The following KIRREL3 variants were observed in gnomAD, a reference collection of about 807,000 sequenced individuals.
KIRREL3 encodes the protein kirre like nephrin family adhesion molecule 3.
A neutral mutation model predicts 89.7 loss-of-function variants in KIRREL3; 36 were observed. That is an observed-to-expected ratio of 0.40 (90% CI 0.31 to 0.53). The LOEUF (loss-of-function observed/expected upper bound fraction) is 0.53, where lower values mean the gene tolerates loss of function less well. KIRREL3 is among the 20% of genes least tolerant of loss of function. The pLI is 0.49. For missense variants in KIRREL3, 864 were observed against 1,056.6 expected, an observed-to-expected ratio of 0.82 and a Z score of 2.53; for synonymous variants, 445 against 441.4, an observed-to-expected ratio of 1.01 and a Z score of -0.10.
chr11:126,509,991 C>CAAAAAA (rs58061522), intron 4 of KIRREL3, among the ~76,000 whole-genome samples: 34 of 62,042 alleles, frequency 5.5e-4, no homozygotes, highest in South Asian at 9.7e-4. Context: ...GACTCCGTCT[C>CAAAAAA]AAAAAAAAAA....
rs554222288 is a variant in KIRREL3 at position 126,430,443 on chromosome 11, TA to T, written c.1696+975del. 2.0e-5 allele frequency among the ~76,000 whole-genome samples: 3 copies of T among 151,104 alleles called. No individual in the cohort carries two copies. The highest frequency in any genetic ancestry group is 7.3e-5 in the African/African-American group (3 of 41,234). On this transcript the variant is annotated intron_variant, in intron 14 of 16. Coordinates refer to ENST00000525144, the MANE Select transcript of KIRREL3 (RefSeq NM_032531.4). This position sits in a 1 kb window ranked among gnomAD's most constrained non-coding sequence, Gnocchi z 6.6. ...CTGGCCAAAAGAGAGAGACCCTATA[TA>T]AAAAAAAACCGTATATATATGTGTA...
chr11:126,489,087 G>A lies in KIRREL3; in HGVS notation c.434-15621C>T, dbSNP rs749418900. ...TAGACTGCGCTTAGGCATCTGGAGC[G>A]CAGCAGTCAGTCTCATCCTGGGGTG... On this transcript the variant is annotated intron_variant, in intron 4 of 16. Transcript: ENST00000525144. This position sits in a 1 kb window ranked among gnomAD's most constrained non-coding sequence, Gnocchi z 5.5. Among the ~76,000 whole-genome samples, 10 of 152,200 alleles carry A rather than the reference G, an allele frequency of 6.6e-5. No individual in the cohort carries two copies. Among genetic ancestry groups the A allele is most frequent in the African/African-American group, 1.9e-4 (8 of 41,452 alleles).
chr11:126,916,980 T>C (rs534470836), intron 1 of KIRREL3, among the ~76,000 whole-genome samples: 1 of 152,344 alleles, frequency 6.6e-6, no homozygotes, highest in South Asian at 2.1e-4. Context: ...ACCCTATACA[T>C]GTAAATTCTT....
rs558572408 is a variant in KIRREL3, at chr11:126,521,937, T to G, written c.284-473A>C. The stretch of plus-strand genomic sequence containing the variant: ...TTTTTTATCTTTTGTAGAGATGGGA[T>G]CTCACTATGTCACCCTGACTGGTCT... On this transcript the variant is annotated intron_variant, in intron 3 of 16. Coordinates refer to ENST00000525144, the MANE Select transcript of KIRREL3 (RefSeq NM_032531.4). This position sits in a 1 kb window ranked among gnomAD's most constrained non-coding sequence, Gnocchi z 4.1. 6.6e-6 allele frequency among the ~76,000 whole-genome samples: 1 copy of G among 152,144 alleles called. No homozygotes were observed. The highest frequency in any genetic ancestry group is 2.1e-4 in the South Asian group (1 of 4,816).
In KIRREL3 at chr11:126,628,003, C is replaced by A. The variant is rs547289335; in HGVS notation, c.56-65091G>T. ...CAGGAATGATCCCAGCTCTACCTAT[C>A]CTGAAGTTTGTTGAGTGGTTCTAAT... On this transcript the variant is annotated intron_variant, in intron 1 of 16. Coordinates refer to ENST00000525144, the MANE Select transcript of KIRREL3 (RefSeq NM_032531.4). This position sits in a 1 kb window ranked among gnomAD's most constrained non-coding sequence, Gnocchi z 5.2. Among the ~76,000 whole-genome samples the A allele has an allele frequency of 6.6e-6, 1 of 152,248 alleles. No individual in the cohort carries two copies. The highest frequency in any genetic ancestry group is 1.5e-5 in the Non-Finnish European group (1 of 68,048).
intron 1 of KIRREL3, among the ~76,000 whole-genome samples, chr11:126,849,380 T>G (rs1411919077): frequency 1.3e-5 from 2 of 152,242 alleles, no homozygotes; most frequent in Non-Finnish European, 2.9e-5. Flanking sequence ...GGGGCTGCTC[T>G]ACCTGTGGAA....
At chr11:126,503,753 AAGAG>A (rs957776463) in intron 4 of KIRREL3, among the ~76,000 whole-genome samples, 4 of 151,404 alleles carry the variant, frequency 2.6e-5, no homozygotes, top group African/African-American at 7.3e-5. Flanking sequence ...TTGAAAGAGG[AAGAG>A]AGAGAATCTC....
At position 126,640,462 on chromosome 11, in the gene KIRREL3, A is replaced by G. The variant is rs1944426172; in HGVS notation, c.56-77550T>C. Among the ~76,000 whole-genome samples, 1 of 152,202 alleles carries G rather than the reference A, an allele frequency of 6.6e-6. No homozygotes were observed. The highest frequency in any genetic ancestry group is 2.4e-5 in the African/African-American group (1 of 41,466). On this transcript the variant is annotated intron_variant, in intron 1 of 16. Transcript: ENST00000525144. The surrounding 1 kb of genome is among the most constrained non-coding windows in gnomAD (Gnocchi z 4.9). ...AGATTAGCAACATCAAAAGCATTCCAATCTGTTCCCTGCATACATTACATG... is the reference window on the plus strand; with the variant it reads ...AGATTAGCAACATCAAAAGCATTCCGATCTGTTCCCTGCATACATTACATG...
chr11:126,489,352 A>G lies in KIRREL3; in HGVS notation c.434-15886T>C, dbSNP rs1241247828. Among the ~76,000 whole-genome samples, 3 of 152,050 alleles carry G rather than the reference A, an allele frequency of 2.0e-5. No individual in the cohort carries two copies. Among genetic ancestry groups the G allele is most frequent in the Non-Finnish European group, 4.4e-5 (3 of 67,992 alleles). On this transcript the variant is annotated intron_variant, in intron 4 of 16. Transcript: ENST00000525144. The surrounding 1 kb of genome is among the most constrained non-coding windows in gnomAD (Gnocchi z 5.5). ...GTGCTCAACAGATGAGCACCCCATC[A>G]ATGATGGAAGGGTAAGAAGAGACGC...
intron 1 of KIRREL3, among the ~76,000 whole-genome samples, chr11:126,930,889 C>T (rs1947921925): frequency 6.6e-6 from 1 of 152,188 alleles, no homozygotes; most frequent in African/African-American, 2.4e-5. Flanking sequence ...GCCCCAAGGT[C>T]CATTGCCTCC....
intron 1 of KIRREL3, among the ~76,000 whole-genome samples, chr11:126,972,067 G>C (rs925708229): frequency 2.0e-5 from 3 of 152,110 alleles, no homozygotes; most frequent in Non-Finnish European, 2.9e-5. Context: ...GGATGAGTTA[G>C]AGGGCATGAT....
rs1293975923 is a variant in KIRREL3, at chr11:126,729,909, C to T, written c.56-166997G>A. ...CCAGTCCTTTGAGGTATCTGGCAGA[C>T]AGTTTTCTGCCCTTCCCTTCCTTGA... On this transcript the variant is annotated intron_variant, in intron 1 of 16. Coordinates refer to ENST00000525144, the MANE Select transcript of KIRREL3 (RefSeq NM_032531.4). This position sits in a 1 kb window ranked among gnomAD's most constrained non-coding sequence, Gnocchi z 4.5. Among the ~76,000 whole-genome samples the T allele has an allele frequency of 6.6e-6, 1 of 152,146 alleles. No homozygotes were observed. The highest frequency in any genetic ancestry group is 1.5e-5 in the Non-Finnish European group (1 of 68,020).
At chr11:126,852,157 G>A (rs937871381) in intron 1 of KIRREL3, among the ~76,000 whole-genome samples, 4 of 149,060 alleles carry the variant, frequency 2.7e-5, no homozygotes, top group Admixed American at 1.4e-4. Context: ...GGGTTCAAGC[G>A]ATTCTCCTGC....
intron 1 of KIRREL3, among the ~76,000 whole-genome samples, chr11:126,834,669 C>T (rs1173366313): frequency 6.6e-6 from 1 of 152,240 alleles, no homozygotes; most frequent in African/African-American, 2.4e-5. Flanking sequence ...AGAGAATTCT[C>T]AGAACAGGAG....
intron 1 of KIRREL3, among the ~76,000 whole-genome samples, chr11:126,884,313 A>C (rs1019334287): frequency 6.6e-6 from 1 of 152,224 alleles, no homozygotes; most frequent in South Asian, 2.1e-4. Context: ...GCATGGTTCT[A>C]GAGTGTGCCA....
Position 126,977,464 on chromosome 11 carries a change from C to G in KIRREL3, c.55+22991G>C, listed in dbSNP as rs1456876823. On this transcript the variant is annotated intron_variant, in intron 1 of 16. Transcript: ENST00000525144. This position sits in a 1 kb window ranked among gnomAD's most constrained non-coding sequence, Gnocchi z 4.7. ...CCTCCAGGATCAGGGTCTGGCCATG[C>G]CCAGTGTCCTGTTTTTATTATGAAT... 6.6e-6 allele frequency among the ~76,000 whole-genome samples: 1 copy of G among 152,166 alleles called. No individual in the cohort carries two copies. Among genetic ancestry groups the G allele is most frequent in the Non-Finnish European group, 1.5e-5 (1 of 68,030 alleles).
chr11:126,770,584 C>T (rs960130825), intron 1 of KIRREL3, among the ~76,000 whole-genome samples: 4 of 152,174 alleles, frequency 2.6e-5, no homozygotes, highest in African/African-American at 9.6e-5. Flanking sequence ...CAAGTAATTA[C>T]GGAGGCGGCC....
intron 1 of KIRREL3, among the ~76,000 whole-genome samples, chr11:126,974,103 G>C (rs1949504868): frequency 6.6e-6 from 1 of 152,092 alleles, no homozygotes; most frequent in Non-Finnish European, 1.5e-5. Flanking sequence ...AGTTACATAA[G>C]ATGCAAAATA....
rs1321367252 is a variant in KIRREL3 at position 126,687,244 on chromosome 11, C to T, written c.56-124332G>A. Among the ~76,000 whole-genome samples, 2 of 152,202 alleles carry T rather than the reference C, an allele frequency of 1.3e-5. No homozygotes were observed. Among genetic ancestry groups the T allele is most frequent in the Non-Finnish European group, 2.9e-5 (2 of 68,036 alleles). ...AGCTAGTCCTTATTTTCACACCTGG[C>T]TTTCTTGCCTAAGCAAATTCAGAGT... On this transcript the variant is annotated intron_variant, in intron 1 of 16. Transcript: ENST00000525144. This position sits in a 1 kb window ranked among gnomAD's most constrained non-coding sequence, Gnocchi z 4.6.
Sources: allele counts gnomAD v4.1 joint callset (sites outside exome capture counted in the v4.1 genomes callset), GRCh38; gene constraint gnomAD v4.1.1; non-coding constraint Gnocchi (gnomAD v3.1); transcripts MANE v1.5; gene names NCBI Gene and HGNC (gene_info 2026-07-23, HGNC 2026-07-21).